The following RYR2 variants were observed in gnomAD, a reference collection of about 807,000 sequenced individuals.
RYR2 encodes the protein cardiac muscle ryanodine receptor-calcium release channel.
RYR2 carries 227 observed loss-of-function variants against 601.1 expected under a neutral mutation model. That is an observed-to-expected ratio of 0.38 (90% CI 0.34 to 0.42). The LOEUF is 0.42. Among genes scored for constraint, RYR2 ranks in the 10% least tolerant of loss-of-function variants. The probability of loss-of-function intolerance (pLI) is 1.00; values close to 1 mark genes in which losing one functional copy is unlikely to be tolerated. For synonymous variants in RYR2, 2,223 were observed against 2,175.1 expected (o/e 1.02, Z -0.61); for missense variants, 4,646 against 6,156.5 (o/e 0.75, Z 8.21).
chr1:237,738,086 AT>A (rs1248838784), intron 79 of RYR2, among the ~76,000 whole-genome samples: 10 of 152,188 alleles, frequency 6.6e-5, no homozygotes, highest in African/African-American at 1.7e-4. Context: ...ACCAACAGTC[AT>A]TCTGCATCCA....
At chr1:237,832,491 C>T in intron 104 of RYR2, 61 bp from the exon 105 acceptor site, 1 of 1,095,374 alleles carries the variant, frequency 9.1e-7, no homozygotes. Flanking sequence ...GAGTTTCTAC[C>T]TTATGTTTTG....
intron 1 of RYR2, among the ~76,000 whole-genome samples, chr1:237,227,371 C>T (rs561572866): frequency 7.2e-5 from 11 of 152,176 alleles, no homozygotes; most frequent in African/African-American, 1.4e-4. Flanking sequence ...ATGTCTTTGT[C>T]GTGAAAGCAG....
intron 10 of RYR2, among the ~76,000 whole-genome samples, chr1:237,410,207 C>T (rs1389787783): frequency 6.6e-6 from 1 of 152,088 alleles, no homozygotes; most frequent in African/African-American, 2.4e-5. Flanking sequence ...GTTGAAGAAA[C>T]AAAAGTAGAT....
chr1:237,575,679 G>A (rs1017642649), intron 29 of RYR2, among the ~76,000 whole-genome samples: 2 of 152,150 alleles, frequency 1.3e-5, no homozygotes, highest in African/African-American at 4.8e-5. Context: ...CAGAGACAGG[G>A]TAGTTATATG....
chr1:237,637,246 GATTT>G (rs1321424181), intron 44 of RYR2, among the ~76,000 whole-genome samples: 2 of 152,146 alleles, frequency 1.3e-5, no homozygotes, highest in Non-Finnish European at 2.9e-5. Flanking sequence ...ATTTGAAACT[GATTT>G]AACTTAAGCT....
At chr1:237,397,758 G>A (rs1488972244) in intron 10 of RYR2, among the ~76,000 whole-genome samples, 1 of 141,830 alleles carries the variant, frequency 7.1e-6, no homozygotes, top group South Asian at 2.2e-4. Context: ...GTCTTGCTCT[G>A]TCACCCAGGC....
intron 17 of RYR2, among the ~76,000 whole-genome samples, chr1:237,490,813 T>G (rs1429058387): frequency 6.6e-6 from 1 of 152,250 alleles, no homozygotes; most frequent in East Asian, 1.9e-4. Context: ...GAATTGCCTC[T>G]GTATTCTATG....
intron 1 of RYR2, among the ~76,000 whole-genome samples, chr1:237,237,713 C>T (rs1044950224): frequency 3.9e-5 from 6 of 152,148 alleles, no homozygotes; most frequent in Non-Finnish European, 7.4e-5. Flanking sequence ...TGGGGAAAAT[C>T]TACATTTTGT....
intron 72 of RYR2, among the ~76,000 whole-genome samples, chr1:237,718,212 A>C (rs746945204): frequency 2.0e-5 from 3 of 152,200 alleles, no homozygotes; most frequent in Non-Finnish European, 4.4e-5. Context: ...TCTTCTTATG[A>C]ATTGGAAACT....
At chr1:237,288,003 T>C (rs1403943518) in intron 2 of RYR2, among the ~76,000 whole-genome samples, 1 of 152,170 alleles carries the variant, frequency 6.6e-6, no homozygotes, top group East Asian at 1.9e-4. Context: ...CCACGAGGTG[T>C]TCCCTTGATG....
intron 10 of RYR2, among the ~76,000 whole-genome samples, chr1:237,408,437 G>A (rs910684359): frequency 4.0e-5 from 5 of 123,632 alleles, no homozygotes; most frequent in Admixed American, 1.5e-4. Flanking sequence ...AGTACTATTT[G>A]GGGAGAATGT....
At chr1:237,287,201 T>C (rs1046525598) in intron 2 of RYR2, among the ~76,000 whole-genome samples, 3 of 152,190 alleles carry the variant, frequency 2.0e-5, no homozygotes, top group Admixed American at 2.0e-4. Context: ...TAGGTTTTCC[T>C]TTATAGGCTA....
intron 100 of RYR2, among the ~76,000 whole-genome samples, chr1:237,817,877 A>G (rs574473271): frequency 6.6e-6 from 1 of 152,338 alleles, no homozygotes; most frequent in African/African-American, 2.4e-5. Context: ...TGGGTGACAC[A>G]TCCATTAAGT....
intron 14 of RYR2, among the ~76,000 whole-genome samples, chr1:237,448,872 T>A (rs187385983): frequency 2.1e-4 from 32 of 152,084 alleles, no homozygotes; most frequent in Middle Eastern, 6.8e-3. Context: ...ACATTTAAAG[T>A]GCATTTCTTT....
rs555672629 is a variant in RYR2, at chr1:237,579,489, A to G, written c.3598+10170A>G. Among the ~76,000 whole-genome samples, 20 of 152,104 alleles carry G rather than the reference A, an allele frequency of 1.3e-4. No individual in the cohort carries two copies. In the South Asian group the frequency reaches 4.2e-3, roughly 32 times the overall value. On this transcript the variant is annotated intron_variant, in intron 29 of 104. Transcript: ENST00000366574. ...AGGCTGGTCTCGAACTCCTGACCTC[A>G]GGTGATCCACCTGCCTCGGCCTCCC...
intron 1 of RYR2, among the ~76,000 whole-genome samples, chr1:237,188,429 A>G (rs1045352798): frequency 2.0e-5 from 3 of 152,206 alleles, no homozygotes; most frequent in Non-Finnish European, 4.4e-5. Context: ...TGACTGCACC[A>G]AACCTTACTA....
At chr1:237,343,013 A>G (rs1203146006) in intron 3 of RYR2, among the ~76,000 whole-genome samples, 3 of 152,164 alleles carry the variant, frequency 2.0e-5, no homozygotes, top group Non-Finnish European at 2.9e-5. Context: ...GTTTGAGACC[A>G]GCTTGGGCAA....
chr1:237,695,393 G>A (rs1687329220), intron 63 of RYR2, among the ~76,000 whole-genome samples: 2 of 152,164 alleles, frequency 1.3e-5, no homozygotes, highest in African/African-American at 4.8e-5. Flanking sequence ...TTCCCTGAGT[G>A]CTCAGAGGTG....
In RYR2 at chr1:237,322,805, G is replaced by A. The variant is rs570090279; in HGVS notation, c.169-8073G>A. On this transcript the variant is annotated intron_variant, in intron 2 of 104. Coordinates refer to ENST00000366574, the MANE Select transcript of RYR2 (RefSeq NM_001035.3). ...AACATGTAGGATATTTCCTACATAC[G>A]TAATAAACACACACACGTGTGTGTG... Among the ~76,000 whole-genome samples, 11 of 147,710 alleles carry A rather than the reference G, an allele frequency of 7.4e-5. No individual in the cohort carries two copies. In the South Asian group the frequency reaches 8.5e-4, roughly 11 times the overall value.
Sources: allele counts gnomAD v4.1 joint callset (sites outside exome capture counted in the v4.1 genomes callset), GRCh38; gene constraint gnomAD v4.1.1; transcripts MANE v1.5; gene names NCBI Gene and HGNC (gene_info 2026-07-23, HGNC 2026-07-21).